The following RFC2 variants were observed in gnomAD, a reference collection of about 807,000 sequenced individuals.
RFC2 encodes A1 40 kDa subunit.
In RFC2, 34 loss-of-function variants were observed where a neutral mutation model predicts 44.8. That is an observed-to-expected ratio of 0.76 (90% CI 0.58 to 1.01). The LOEUF is 1.01. Ranked by LOEUF, RFC2 falls within the 50% of genes least tolerant of loss-of-function variation. RFC2 has a pLI of 0.00. For missense variants in RFC2, 400 were observed against 453.6 expected, an observed-to-expected ratio of 0.88 and a Z score of 1.07; for synonymous variants, 177 against 168.9, an observed-to-expected ratio of 1.05 and a Z score of -0.37.
At chr7:74,240,308 C>A (rs782002846) in intron 6 of RFC2, among the ~76,000 whole-genome samples, 54 of 151,984 alleles carry the variant, frequency 3.6e-4, no homozygotes, top group Non-Finnish European at 7.6e-4. Flanking sequence ...TTGAGACCAG[C>A]CTGGACAACA....
intron 10 of RFC2, among the ~76,000 whole-genome samples, chr7:74,232,722 A>C (rs2116239388): frequency 6.6e-6 from 1 of 152,262 alleles, no homozygotes; most frequent in Non-Finnish European, 1.5e-5. Context: ...AAAATTAGCC[A>C]GGTATGGTGG....
In RFC2 at chr7:74,238,038, C is replaced by T. The variant is rs566878193; in HGVS notation, c.760-596G>A. On this transcript the variant is annotated intron_variant, in intron 8 of 10. Coordinates refer to ENST00000055077, the MANE Select transcript of RFC2 (RefSeq NM_181471.3). The surrounding 1 kb of genome is among the most constrained non-coding windows in gnomAD (Gnocchi z 4.0). ...AAAGCCTCCTGATGGCTCCAGAGGT[C>T]ACCCACACCTGCCCTTGCCTTTTCC... Among the ~76,000 whole-genome samples the T allele has an allele frequency of 8.4e-4, 128 of 152,222 alleles. No individual in the cohort carries two copies. The highest frequency in any genetic ancestry group is 1.6e-3 in the Non-Finnish European group (112 of 68,010).
At chr7:74,251,716 T>C (rs576592487) in intron 2 of RFC2, among the ~76,000 whole-genome samples, 188 of 144,342 alleles carry the variant, frequency 1.3e-3, no homozygotes, top group Non-Finnish European at 2.3e-3. Context: ...AAGAATTGCT[T>C]AAACCCAGGA....
intron 4 of RFC2, among the ~76,000 whole-genome samples, chr7:74,248,721 C>T (rs1207199388): frequency 1.3e-5 from 2 of 151,936 alleles, no homozygotes; most frequent in Non-Finnish European, 2.9e-5. Context: ...AGGATGGTCT[C>T]GAATTCCTGA....
At chr7:74,253,045 A>C (rs782390836) in intron 1 of RFC2, among the ~76,000 whole-genome samples, 5 of 152,226 alleles carry the variant, frequency 3.3e-5, no homozygotes, top group Admixed American at 6.5e-5. Context: ...ACAGCAGAGA[A>C]ACACCTGTTG....
chr7:74,249,721 C>A lies in RFC2; in HGVS notation c.225+18G>T. The A allele has an allele frequency of 6.2e-7, 1 of 1,610,190 alleles. No homozygotes were observed. Among genetic ancestry groups the A allele is most frequent in the Non-Finnish European group, 8.5e-7 (1 of 1,176,536 alleles). ...TGAGACATGGAGACACTCAACAGGC[C>A]CAGGGCTGGGTACTCACCGCAATGA... is the stretch of plus-strand genomic sequence containing the variant. On this transcript the variant is annotated intron_variant, in intron 3 of 10. Coordinates refer to ENST00000055077, the MANE Select transcript of RFC2 (RefSeq NM_181471.3).
At chr7:74,249,231 C>A in intron 3 of RFC2, 113 bp from the exon 4 acceptor site, 1 of 1,560,180 alleles carries the variant, frequency 6.4e-7, no homozygotes. Flanking sequence ...CTGCATTCCA[C>A]CCACAGCACA....
chr7:74,239,769 C>A (rs572529123), intron 7 of RFC2, among the ~76,000 whole-genome samples, 169 bp downstream of exon 7: 35 of 152,300 alleles, frequency 2.3e-4, no homozygotes, highest in South Asian at 8.3e-4. Context: ...CCCTTCCCTG[C>A]CTCTCTTCTT....
In RFC2 at chr7:74,254,191, C is replaced by T. The variant is rs1787142692; in HGVS notation, c.113+80G>A. ...TTCCCCAAAACGAGCCCCTGACCCC[C>T]GAGTTTCTCCGGAGCACGGCCCGCC... is the stretch of plus-strand genomic sequence containing the variant. On this transcript the variant is annotated intron_variant, in intron 1 of 10. Transcript: ENST00000055077. 10 of 1,080,250 alleles carry T rather than the reference C, an allele frequency of 9.3e-6. No homozygotes were observed. In the Admixed American group the frequency reaches 1.8e-4, roughly 19 times the overall value. The allele number at this position is 1,080,250 out of a possible 1,614,324, so 66.9% of individuals were successfully genotyped here.
chr7:74,234,204 A>C (rs178975), intron 10 of RFC2, among the ~76,000 whole-genome samples: 1 of 152,150 alleles, frequency 6.6e-6, no homozygotes, highest in African/African-American at 2.4e-5. Flanking sequence ...AAAGAAGCCA[A>C]ACTCACAAGG....
At chr7:74,242,586 T>C (rs1284089963) in intron 6 of RFC2, among the ~76,000 whole-genome samples, 1 of 151,934 alleles carries the variant, frequency 6.6e-6, no homozygotes, top group Non-Finnish European at 1.5e-5. Context: ...TGGCCCATGC[T>C]ACACAATAAA....
intron 6 of RFC2, among the ~76,000 whole-genome samples, chr7:74,242,896 C>G (rs2116303425): frequency 6.6e-6 from 1 of 151,194 alleles, no homozygotes; most frequent in East Asian, 1.9e-4. Context: ...GCACTCCAGC[C>G]TAGGCGACAG....
intron 10 of RFC2, among the ~76,000 whole-genome samples, chr7:74,234,611 C>T (rs1167595630): frequency 6.6e-6 from 1 of 151,814 alleles, no homozygotes; most frequent in Non-Finnish European, 1.5e-5. Flanking sequence ...AATTTGGTCC[C>T]CAATGTGGGG....
rs1216997396 is a variant in RFC2, at chr7:74,238,707, C to A, written c.759+216G>T. On this transcript the variant is annotated intron_variant, in intron 8 of 10. Transcript: ENST00000055077. The surrounding 1 kb of genome is among the most constrained non-coding windows in gnomAD (Gnocchi z 4.0). ...TGCATCCGTGGTCCTCCCTCACCTACCACACACAAGTGACGTTCCAGGTCC... is the reference window on the plus strand; with the variant it reads ...TGCATCCGTGGTCCTCCCTCACCTAACACACACAAGTGACGTTCCAGGTCC... Among the ~76,000 whole-genome samples, 1 of 152,156 alleles carries A rather than the reference C, an allele frequency of 6.6e-6. No homozygotes were observed. The highest frequency in any genetic ancestry group is 1.5e-5 in the Non-Finnish European group (1 of 68,024).
intron 10 of RFC2, among the ~76,000 whole-genome samples, chr7:74,234,634 T>C (rs3135702): frequency 0.032 from 4,790 of 152,054 alleles, 251 homozygotes; most frequent in African/African-American, 0.11. Flanking sequence ...GTTTGGGTCA[T>C]GAGGAAGATC....
intron 6 of RFC2, among the ~76,000 whole-genome samples, chr7:74,240,519 A>AG (rs1475283092): frequency 6.7e-6 from 1 of 150,210 alleles, no homozygotes; most frequent in African/African-American, 2.5e-5. Context: ...AAAAAAAAAA[A>AG]AAAGAGAGAG....
intron 9 of RFC2, among the ~76,000 whole-genome samples, chr7:74,237,118 AT>A (rs200910456): frequency 8.6e-4 from 127 of 147,254 alleles, no homozygotes; most frequent in East Asian, 2.2e-3. Flanking sequence ...GATATTAATA[AT>A]TTTTTTTTTT....
At chr7:74,237,513 C>G (rs562814148) in intron 8 of RFC2, 71 bp from the exon 9 acceptor site, 13 of 937,380 alleles carry the variant, frequency 1.4e-5, no homozygotes, top group Non-Finnish European at 2.0e-5. Flanking sequence ...CCCAACAGAC[C>G]GACTTCCAGG....
intron 2 of RFC2, among the ~76,000 whole-genome samples, chr7:74,251,797 CA>C (rs1158873785): frequency 0.073 from 4,152 of 56,922 alleles, 271 homozygotes; most frequent in African/African-American, 0.24. Flanking sequence ...GACTCCATCT[CA>C]AAAAAAAAAA....
Sources: gnomAD v4.1 joint callset for allele counts (sites outside exome capture counted in the v4.1 genomes callset) on GRCh38, gnomAD v4.1.1 for gene constraint, Gnocchi (gnomAD v3.1) non-coding constraint, MANE v1.5 for transcripts, NCBI Gene and HGNC (gene_info 2026-07-23, HGNC 2026-07-21) for gene names.